Variants in EPB41L2 observed in about 807,000 individuals in gnomAD.
The protein encoded by EPB41L2 is band 4.1-like protein 2.
EPB41L2 carries 43 observed loss-of-function variants against 113.0 expected under a neutral mutation model. That is an observed-to-expected ratio of 0.38 (90% CI 0.30 to 0.49). The LOEUF is 0.49. Ranked by LOEUF, EPB41L2 falls within the 20% of genes least tolerant of loss-of-function variation. EPB41L2 has a pLI of 0.95. For missense variants in EPB41L2, 1,147 were observed against 1,223.4 expected (o/e 0.94, Z 0.93); for synonymous variants, 442 against 436.7 (o/e 1.01, Z -0.15).
chr6:131,021,517 C>T (rs1789473214), intron 1 of EPB41L2, among the ~76,000 whole-genome samples: 1 of 151,998 alleles, frequency 6.6e-6, no homozygotes, highest in Non-Finnish European at 1.5e-5. Flanking sequence ...AAAAATTAGG[C>T]AGGCGTGGTG....
intron 15 of EPB41L2, chr6:130,868,262 T>G (rs1784545596): frequency 6.6e-6 from 1 of 152,430 alleles, no homozygotes; most frequent in Non-Finnish European, 1.5e-5. Flanking sequence ...GTTATACCTG[T>G]CTAAAATTTG....
At chr6:130,948,581 C>G (rs1276614368) in intron 3 of EPB41L2, among the ~76,000 whole-genome samples, 1 of 151,998 alleles carries the variant, frequency 6.6e-6, no homozygotes, top group Non-Finnish European at 1.5e-5. Context: ...AGTCACTAAT[C>G]TCAGTAGTAC....
At chr6:130,870,958 AGGGTGGG>A (rs1159499633) in intron 14 of EPB41L2, among the ~76,000 whole-genome samples, 33 of 152,318 alleles carry the variant, frequency 2.2e-4, no homozygotes, top group Admixed American at 9.2e-4. Context: ...ATTATACAAT[AGGGTGGG>A]TGTCAATGGT....
In EPB41L2 at chr6:130,870,031, C is replaced by A; in HGVS notation, c.2139G>T (p.Glu713Asp). The stretch of plus-strand genomic sequence containing the variant: ...CCCCAGGACCACTCCCAGGTGATAT[C>A]TCTTTACCATTCATTTCTTCTGTGA... ...RVITEEMNGK[E>D]ISPGSGPGEI... is the part of the protein sequence containing the mutation. Residue 713 changes from glutamate to aspartate, a missense_variant, in exon 15 of 20, where the codon GAG (glutamate) becomes GAT (aspartate). Glu to Asp is a conservative substitution (Grantham distance 45). Transcript: ENST00000337057. The A allele has an allele frequency of 6.2e-7, 1 of 1,614,062 alleles. No homozygotes were observed. Among genetic ancestry groups the A allele is most frequent in the Non-Finnish European group, 8.5e-7 (1 of 1,180,022 alleles).
chr6:130,985,073 A>T (rs1342925285), intron 1 of EPB41L2, among the ~76,000 whole-genome samples: 2 of 152,176 alleles, frequency 1.3e-5, no homozygotes, highest in South Asian at 2.1e-4. Context: ...CTCACCTTCA[A>T]GCCAAAAAAA....
At chr6:131,008,835 C>T (rs528989632) in intron 1 of EPB41L2, among the ~76,000 whole-genome samples, 5 of 152,170 alleles carry the variant, frequency 3.3e-5, no homozygotes, top group Admixed American at 6.5e-5. Flanking sequence ...GGTCATTTCT[C>T]CCGTTTGGAA....
chr6:130,912,866 C>A (rs561743634), intron 4 of EPB41L2, among the ~76,000 whole-genome samples: 1 of 151,916 alleles, frequency 6.6e-6, no homozygotes, highest in African/African-American at 2.4e-5. Flanking sequence ...GCAAGAAAAA[C>A]GAAATTGAAT....
Position 130,921,250 on chromosome 6 carries a change from T to A in EPB41L2, c.810+5355A>T, listed in dbSNP as rs754951985. 3.9e-5 allele frequency among the ~76,000 whole-genome samples: 6 copies of A among 152,180 alleles called. No individual in the cohort carries two copies. The South Asian group carries it at 1.0e-3, about 26-fold the overall frequency. On this transcript the variant is annotated intron_variant, in intron 4 of 19. Coordinates refer to ENST00000337057, the MANE Select transcript of EPB41L2 (RefSeq NM_001431.4). ...CACCATCAACAGGTTCTTTCTGATA[T>A]GCAAATCTGACCACGTTACTTCCTA...
At chr6:130,997,380 G>T (rs921169477) in intron 1 of EPB41L2, among the ~76,000 whole-genome samples, 2 of 152,156 alleles carry the variant, frequency 1.3e-5, no homozygotes, top group African/African-American at 4.8e-5. Flanking sequence ...CTCAGAAGTT[G>T]TTTTAACAGT....
intron 1 of EPB41L2, among the ~76,000 whole-genome samples, chr6:131,014,407 C>T (rs1430157922): frequency 6.6e-6 from 1 of 152,144 alleles, no homozygotes; most frequent in Non-Finnish European, 1.5e-5. Context: ...TAAAATTTCA[C>T]AGACTGGTCA....
intron 19 of EPB41L2, among the ~76,000 whole-genome samples, chr6:130,842,633 C>G (rs375563681): frequency 6.6e-6 from 1 of 152,098 alleles, no homozygotes; most frequent in African/African-American, 2.4e-5. Flanking sequence ...GGCCCTATGT[C>G]ACTTTATTGC....
intron 1 of EPB41L2, among the ~76,000 whole-genome samples, chr6:131,013,230 TTAAC>T (rs1405842064): frequency 1.3e-5 from 1 of 79,040 alleles, no homozygotes; most frequent in African/African-American, 6.8e-5. Flanking sequence ...TTCTAATCAG[TTAAC>T]TAAAGAAAAA....
intron 1 of EPB41L2, among the ~76,000 whole-genome samples, chr6:131,006,804 T>C (rs192806042): frequency 1.9e-4 from 29 of 152,240 alleles, no homozygotes; most frequent in Admixed American, 1.4e-3. Flanking sequence ...TTATCTCAAT[T>C]TCATGCACCC....
chr6:130,990,320 CAA>C (rs920248327), intron 1 of EPB41L2, among the ~76,000 whole-genome samples: 1 of 126,670 alleles, frequency 7.9e-6, no homozygotes, highest in Non-Finnish European at 1.7e-5. Context: ...GACTCTGTCT[CAA>C]AAAAAAAAAG....
At chr6:130,946,699 T>A (rs1321088663) in intron 3 of EPB41L2, among the ~76,000 whole-genome samples, 2 of 152,038 alleles carry the variant, frequency 1.3e-5, no homozygotes, top group Admixed American at 1.3e-4. Flanking sequence ...TATAAATATA[T>A]AACAACATGT....
chr6:131,002,521 G>A (rs1368848815), intron 1 of EPB41L2, among the ~76,000 whole-genome samples: 1 of 152,148 alleles, frequency 6.6e-6, no homozygotes, highest in Non-Finnish European at 1.5e-5. Context: ...ATTGCTAAAG[G>A]AATTACACAG....
intron 1 of EPB41L2, among the ~76,000 whole-genome samples, chr6:131,048,700 G>A (rs73623396): frequency 0.029 from 4,474 of 152,228 alleles, 219 homozygotes; most frequent in African/African-American, 0.098. Context: ...GAAGCCAGGC[G>A]AGGATACGCG....
At chr6:131,062,064 G>T (rs1483863451) in intron 1 of EPB41L2, among the ~76,000 whole-genome samples, 2 of 152,038 alleles carry the variant, frequency 1.3e-5, no homozygotes, top group Non-Finnish European at 2.9e-5. Context: ...ATTAAGGGCA[G>T]CTGTGGTGTT....
chr6:130,862,048 A>AT (rs1350129979), intron 18 of EPB41L2, among the ~76,000 whole-genome samples: 1 of 152,078 alleles, frequency 6.6e-6, no homozygotes. Context: ...GGTCATCATG[A>AT]TTTTTTAAGA....
Sources: gnomAD v4.1 joint callset for allele counts (sites outside exome capture counted in the v4.1 genomes callset) on GRCh38, gnomAD v4.1.1 for gene constraint, MANE v1.5 for transcripts, NCBI Gene and HGNC (gene_info 2026-07-23, HGNC 2026-07-21) for gene names.